Variants in LDLRAD3 observed in about 807,000 individuals in gnomAD.
LDLRAD3 encodes the protein low-density lipoprotein receptor class A domain-containing protein 3.
In LDLRAD3, 20 loss-of-function variants were observed where a neutral mutation model predicts 29.4. The ratio of observed to expected loss-of-function variants is 0.68; its 90% CI spans 0.48 to 0.99. LDLRAD3 has a LOEUF of 0.99. Among genes scored for constraint, LDLRAD3 ranks in the 50% least tolerant of loss-of-function variants. The pLI is 0.00. For missense variants in LDLRAD3, 420 were observed against 454.3 expected (o/e 0.92, Z 0.69); for synonymous variants, 157 against 192.7 (o/e 0.81, Z 1.53).
intron 2 of LDLRAD3, among the ~76,000 whole-genome samples, chr11:36,067,727 T>C (rs760930926): frequency 6.6e-5 from 10 of 152,204 alleles, no homozygotes; most frequent in Non-Finnish European, 1.5e-4. Flanking sequence ...CTAGAGTGCA[T>C]TGGTGTAATC....
chr11:36,055,341 G>A (rs1425504713), intron 2 of LDLRAD3, among the ~76,000 whole-genome samples: 1 of 151,792 alleles, frequency 6.6e-6, no homozygotes, highest in African/African-American at 2.4e-5. Context: ...CTTGGAGAGT[G>A]TTATCCCTCC....
At chr11:36,037,777 T>C (rs750601666) in intron 2 of LDLRAD3, among the ~76,000 whole-genome samples, 3 of 152,222 alleles carry the variant, frequency 2.0e-5, no homozygotes, top group Non-Finnish European at 1.5e-5. Flanking sequence ...CAGTGCCTGC[T>C]CCTGCCCTTC....
At chr11:36,194,989 T>A (rs746901447) in intron 4 of LDLRAD3, among the ~76,000 whole-genome samples, 2 of 152,296 alleles carry the variant, frequency 1.3e-5, no homozygotes, top group African/African-American at 4.8e-5. Flanking sequence ...TTTCTTCCAA[T>A]CAACCTTGGG....
chr11:36,191,086 T>G (rs1161922759), intron 4 of LDLRAD3, among the ~76,000 whole-genome samples: 2 of 152,036 alleles, frequency 1.3e-5, no homozygotes, highest in Admixed American at 1.3e-4. Flanking sequence ...ACACAGGATA[T>G]GGGAAATTGG....
chr11:35,985,603 C>G (rs1327488089), intron 1 of LDLRAD3, among the ~76,000 whole-genome samples: 1 of 152,084 alleles, frequency 6.6e-6, no homozygotes, highest in Non-Finnish European at 1.5e-5. Flanking sequence ...TCCCATAATC[C>G]CTACGTGTTG....
intron 1 of LDLRAD3, among the ~76,000 whole-genome samples, chr11:36,015,852 C>T (rs543224753): frequency 2.0e-5 from 3 of 152,272 alleles, no homozygotes; most frequent in African/African-American, 7.2e-5. Context: ...CTTGGCGACC[C>T]GACCTCCCAC....
chr11:36,008,257 A>G (rs1452363248), intron 1 of LDLRAD3, among the ~76,000 whole-genome samples: 1 of 152,164 alleles, frequency 6.6e-6, no homozygotes, highest in African/African-American at 2.4e-5. Flanking sequence ...ATATTTTTTC[A>G]AAAAGCCATT....
At chr11:36,166,905 C>G (rs1168810772) in intron 4 of LDLRAD3, among the ~76,000 whole-genome samples, 3 of 152,152 alleles carry the variant, frequency 2.0e-5, no homozygotes, top group Non-Finnish European at 2.9e-5. Flanking sequence ...CTCTAGTCTA[C>G]CATATCTGTA....
At chr11:36,164,285 C>T (rs973564183) in intron 4 of LDLRAD3, among the ~76,000 whole-genome samples, 2 of 152,180 alleles carry the variant, frequency 1.3e-5, no homozygotes, top group African/African-American at 4.8e-5. Flanking sequence ...TGCTGTTTCA[C>T]CTATTTAAAA....
intron 4 of LDLRAD3, among the ~76,000 whole-genome samples, chr11:36,132,030 A>T (rs1040884099): frequency 4.6e-5 from 7 of 151,108 alleles, no homozygotes; most frequent in Non-Finnish European, 8.8e-5. Context: ...CACCAAGGAG[A>T]TGTTTGTCTT....
chr11:36,162,460 T>C (rs894451002), intron 4 of LDLRAD3, among the ~76,000 whole-genome samples: 2 of 152,170 alleles, frequency 1.3e-5, no homozygotes, highest in Admixed American at 6.5e-5. Flanking sequence ...TAGCTTGCAA[T>C]AGACTTGTTG....
At chr11:35,956,624 C>CT (rs1185997710) in intron 1 of LDLRAD3, among the ~76,000 whole-genome samples, 3 of 152,312 alleles carry the variant, frequency 2.0e-5, no homozygotes, top group East Asian at 1.9e-4. Flanking sequence ...GTTTCTTAAA[C>CT]TTTTTAAATC....
At chr11:35,962,067 T>C (rs1349939903) in intron 1 of LDLRAD3, among the ~76,000 whole-genome samples, 2 of 152,242 alleles carry the variant, frequency 1.3e-5, no homozygotes, top group South Asian at 2.1e-4. Context: ...AATTAGACTT[T>C]GGTGACTCCT....
chr11:36,074,234 T>C (rs1296349837), intron 2 of LDLRAD3, among the ~76,000 whole-genome samples: 3 of 152,206 alleles, frequency 2.0e-5, no homozygotes, highest in Admixed American at 2.0e-4. Context: ...TCTTGGAGGC[T>C]GGAAGGCAGA....
rs530183189 is a variant in LDLRAD3, at chr11:35,948,158, G to A, written c.46+4014G>A. 2.5e-3 allele frequency among the ~76,000 whole-genome samples: 381 copies of A among 152,038 alleles called. 4 individuals are homozygous for A. The highest frequency in any genetic ancestry group is 8.2e-3 in the African/African-American group (339 of 41,452). ...TTTTCATTCTTTGAGCTCTAAATTC[G>A]TATTCCCCTCTTAAAATGTGTTTAT... is the stretch of plus-strand genomic sequence containing the variant. On this transcript the variant is annotated intron_variant, in intron 1 of 5. Transcript: ENST00000315571.
chr11:36,124,671 G>T (rs1383874170), intron 4 of LDLRAD3, among the ~76,000 whole-genome samples: 1 of 151,406 alleles, frequency 6.6e-6, no homozygotes, highest in South Asian at 2.1e-4. Context: ...TGTCCGGCAC[G>T]CTAGTCTCCT....
chr11:36,080,028 ACC>A (rs1853086447), intron 2 of LDLRAD3, among the ~76,000 whole-genome samples: 1 of 152,170 alleles, frequency 6.6e-6, no homozygotes, highest in African/African-American at 2.4e-5. Flanking sequence ...GGTTTTTGAA[ACC>A]TGGAACATTT....
intron 4 of LDLRAD3, among the ~76,000 whole-genome samples, chr11:36,100,277 G>A (rs539706067): frequency 6.6e-5 from 10 of 152,268 alleles, no homozygotes; most frequent in South Asian, 4.1e-4. Context: ...CTGACTGAAC[G>A]CAACGTATTG....
intron 1 of LDLRAD3, among the ~76,000 whole-genome samples, chr11:35,961,476 A>G (rs1851277345): frequency 6.6e-6 from 1 of 152,316 alleles, no homozygotes; most frequent in Non-Finnish European, 1.5e-5. Context: ...GCAGCCTCAC[A>G]GCATTCTTGG....
Sources: gnomAD v4.1 joint callset for allele counts (sites outside exome capture counted in the v4.1 genomes callset) on GRCh38, gnomAD v4.1.1 for gene constraint, MANE v1.5 for transcripts, NCBI Gene and HGNC (gene_info 2026-07-23, HGNC 2026-07-21) for gene names.